PTGER3: variants seen among roughly 807,000 people sequenced by gnomAD.
The protein encoded by PTGER3 is prostaglandin E2 receptor EP3 subtype.
A neutral mutation model predicts 34.7 loss-of-function variants in PTGER3; 22 were observed. The ratio of observed to expected loss-of-function variants is 0.63; its 90% CI spans 0.45 to 0.91. The LOEUF (loss-of-function observed/expected upper bound fraction) is 0.91, where lower values mean the gene tolerates loss of function less well. PTGER3 is among the 40% of genes least tolerant of loss of function. The pLI is 0.00. For missense variants in PTGER3, 468 were observed against 519.4 expected (o/e 0.90, Z 0.96); for synonymous variants, 241 against 230.1 (o/e 1.05, Z -0.43).
At chr1:70,879,889 T>C (rs1382376463) in intron 4 of PTGER3, among the ~76,000 whole-genome samples, 1 of 152,048 alleles carries the variant, frequency 6.6e-6, no homozygotes, top group Admixed American at 6.6e-5. Context: ...GGTCAAGAGA[T>C]TGAGACCATC....
At chr1:70,948,088 C>T (rs956175474), downstream of PTGER3, among the ~76,000 whole-genome samples, 2 of 152,158 alleles carry the variant, frequency 1.3e-5, no homozygotes, top group African/African-American at 4.8e-5. Context: ...TCACACTTCA[C>T]TGCATAGGGA....
chr1:70,950,142 T>G (rs1650619199), downstream of PTGER3, among the ~76,000 whole-genome samples: 1 of 152,162 alleles, frequency 6.6e-6, no homozygotes, highest in African/African-American at 2.4e-5. Flanking sequence ...CTCCATGGAT[T>G]AACTTTCAGT....
At chr1:70,970,057 A>G (rs556418984), downstream of PTGER3, among the ~76,000 whole-genome samples, 3 of 152,288 alleles carry the variant, frequency 2.0e-5, no homozygotes, top group East Asian at 5.8e-4. Flanking sequence ...CTGTTACCAC[A>G]TCACTTTGTC....
At chr1:71,038,207 A>G (rs933008417) in intron 1 of PTGER3, among the ~76,000 whole-genome samples, 4 of 152,226 alleles carry the variant, frequency 2.6e-5, no homozygotes, top group African/African-American at 9.6e-5. Flanking sequence ...GACATTTATT[A>G]TGTGTTCAGA....
intron 4 of PTGER3, among the ~76,000 whole-genome samples, chr1:70,928,317 A>G (rs575316737): frequency 6.6e-6 from 1 of 151,836 alleles, no homozygotes; most frequent in African/African-American, 2.4e-5. Context: ...GATTACAAAA[A>G]AAAAAAGTGG....
intron 4 of PTGER3, among the ~76,000 whole-genome samples, chr1:70,925,407 C>A (rs377127032): frequency 2.8e-4 from 43 of 152,262 alleles, no homozygotes; most frequent in Middle Eastern, 6.8e-3. Flanking sequence ...TCCTGTAATA[C>A]AATAAATGCA....
intron 4 of PTGER3, among the ~76,000 whole-genome samples, chr1:70,888,622 C>T (rs553403422): frequency 9.9e-5 from 15 of 152,128 alleles, no homozygotes; most frequent in South Asian, 4.1e-4. Flanking sequence ...TCCTACATAA[C>T]AGCAACTATG....
At chr1:70,894,998 TTTGATGA>T (rs1426572480) in intron 4 of PTGER3, among the ~76,000 whole-genome samples, 1 of 152,188 alleles carries the variant, frequency 6.6e-6, no homozygotes, top group East Asian at 1.9e-4. Context: ...TGGTGGGCTG[TTTGATGA>T]TTCAAATATA....
At chr1:70,887,252 G>A (rs1384744980) in intron 4 of PTGER3, among the ~76,000 whole-genome samples, 2 of 152,122 alleles carry the variant, frequency 1.3e-5, no homozygotes, top group Non-Finnish European at 2.9e-5. Flanking sequence ...ATCTCAAGGG[G>A]ACTAAGTGGA....
chr1:70,995,413 G>T (rs1431124342), intron 2 of PTGER3, among the ~76,000 whole-genome samples: 5 of 152,028 alleles, frequency 3.3e-5, no homozygotes, highest in Non-Finnish European at 5.9e-5. Flanking sequence ...CTCTGCTCTT[G>T]AAATAGATAG....
At chr1:70,910,883 C>T (rs1300834264) in intron 4 of PTGER3, among the ~76,000 whole-genome samples, 1 of 151,924 alleles carries the variant, frequency 6.6e-6, no homozygotes, top group Non-Finnish European at 1.5e-5. Context: ...GAATTTGAGA[C>T]CAGCCTGACC....
At chr1:71,006,871 C>T (rs1476168349) in intron 2 of PTGER3, 4 of 985,184 alleles carry the variant, frequency 4.1e-6, no homozygotes, top group Non-Finnish European at 3.6e-6. Flanking sequence ...TCAGAATATT[C>T]AACTTTATTT....
At chr1:70,997,381 G>C (rs1378598802) in intron 2 of PTGER3, among the ~76,000 whole-genome samples, 1 of 152,064 alleles carries the variant, frequency 6.6e-6, no homozygotes, top group African/African-American at 2.4e-5. Flanking sequence ...CAAAAATTTG[G>C]TGATTGTTAT....
chr1:70,882,340 T>C (rs1646407854), intron 4 of PTGER3, among the ~76,000 whole-genome samples: 1 of 152,094 alleles, frequency 6.6e-6, no homozygotes, highest in African/African-American at 2.4e-5. Context: ...TAACAGGCAT[T>C]GTCCACCTGG....
chr1:70,875,343 TAAC>T (rs1646251220), intron 4 of PTGER3, among the ~76,000 whole-genome samples: 1 of 152,220 alleles, frequency 6.6e-6, no homozygotes, highest in African/African-American at 2.4e-5. Flanking sequence ...CCTAGAAAGG[TAAC>T]AAACTAATCA....
intron 4 of PTGER3, among the ~76,000 whole-genome samples, chr1:70,935,665 A>AT (rs1407339696): frequency 4.7e-5 from 3 of 63,466 alleles, no homozygotes; most frequent in African/African-American, 2.3e-4. Context: ...CTAAGGATAC[A>AT]AATATAAATA....
chr1:70,982,017 A>G (rs1572846074), intron 2 of PTGER3, among the ~76,000 whole-genome samples: 2 of 152,232 alleles, frequency 1.3e-5, no homozygotes, highest in South Asian at 2.1e-4. Context: ...CTCCATGAAT[A>G]CCTGGGGACT....
intron 4 of PTGER3, chr1:70,865,632 T>C (rs772849827): frequency 1.1e-5 from 15 of 1,338,752 alleles, no homozygotes; most frequent in East Asian, 9.2e-5. Flanking sequence ...TCATTAGAGA[T>C]AGGCTGACTT....
intron 4 of PTGER3, among the ~76,000 whole-genome samples, chr1:70,861,342 T>C (rs960189583): frequency 6.6e-6 from 1 of 152,228 alleles, no homozygotes; most frequent in African/African-American, 2.4e-5. Flanking sequence ...CATTTCTAAC[T>C]TTCTAGTGTT....
Sources: gnomAD v4.1 joint callset for allele counts (sites outside exome capture counted in the v4.1 genomes callset) on GRCh38, gnomAD v4.1.1 for gene constraint, MANE v1.5 for transcripts, NCBI Gene and HGNC (gene_info 2026-07-23, HGNC 2026-07-21) for gene names.